CLASP1: variants seen among roughly 807,000 people sequenced by gnomAD.
The protein encoded by CLASP1 is cytoplasmic linker associated protein 1, also known as CLIP-associating protein 1.
In CLASP1, 38 loss-of-function variants were observed where a neutral mutation model predicts 192.3. The observed-to-expected ratio is 0.20, with a 90% CI of 0.15 to 0.26. CLASP1 has a LOEUF of 0.26. CLASP1 is among the 10% of genes least tolerant of loss of function. The pLI, the probability that CLASP1 is intolerant of heterozygous loss-of-function variation, is 1.00. For missense variants in CLASP1, 1,433 were observed against 1,932.5 expected (o/e 0.74, Z 4.85); for synonymous variants, 691 against 712.8 (o/e 0.97, Z 0.49).
intron 19 of CLASP1, among the ~76,000 whole-genome samples, chr2:121,431,197 A>G (rs1206774840): frequency 6.6e-6 from 1 of 152,190 alleles, no homozygotes. Flanking sequence ...GAAGGTAAAG[A>G]GCAATGAAAG....
chr2:121,633,015 T>TATATATATATAC (rs2070066923), intron 1 of CLASP1, among the ~76,000 whole-genome samples: 1 of 147,190 alleles, frequency 6.8e-6, no homozygotes. Flanking sequence ...TGCATATATA[T>TATATATATATAC]ATATATATAT....
chr2:121,394,123 C>G (rs915312184), intron 30 of CLASP1, among the ~76,000 whole-genome samples: 4 of 152,140 alleles, frequency 2.6e-5, no homozygotes, highest in African/African-American at 9.7e-5. Context: ...CTCTCCCACC[C>G]TTAGAGTGAG....
chr2:121,509,260 C>A (rs984501599), intron 7 of CLASP1, among the ~76,000 whole-genome samples: 1 of 152,154 alleles, frequency 6.6e-6, no homozygotes, highest in African/African-American at 2.4e-5. Context: ...ACTGCAACCT[C>A]AACCTCCCAA....
At chr2:121,387,031 T>G (rs2073359395) in intron 32 of CLASP1, 91 bp downstream of exon 33, 1 of 1,030,338 alleles carries the variant, frequency 9.7e-7, no homozygotes, top group Admixed American at 2.0e-5. Context: ...TTTTGTTATT[T>G]AGCTTAGTCT....
At chr2:121,425,222 A>C (rs756912864) in exon 22 of CLASP1, 1 of 1,613,718 alleles carries the variant, frequency 6.2e-7, no homozygotes, top group Non-Finnish European at 8.5e-7. Flanking sequence ...AGACGGTGTC[A>C]CAGGTGGGCC....
At chr2:121,435,874 T>C (rs896802119) in intron 19 of CLASP1, among the ~76,000 whole-genome samples, 1 of 152,204 alleles carries the variant, frequency 6.6e-6, no homozygotes. Context: ...AAAGCTATAG[T>C]ATAAAATCAG....
At chr2:121,567,600 C>T (rs748840532) in intron 2 of CLASP1, among the ~76,000 whole-genome samples, 1 of 152,234 alleles carries the variant, frequency 6.6e-6, no homozygotes, top group Admixed American at 6.5e-5. Flanking sequence ...TCCTCCCGTG[C>T]AAACGTCTCC....
intron 1 of CLASP1, among the ~76,000 whole-genome samples, chr2:121,622,880 G>A (rs2067619640): frequency 6.6e-6 from 1 of 151,478 alleles, no homozygotes; most frequent in South Asian, 2.1e-4. Flanking sequence ...TTCCCTAATT[G>A]TCCCGGCTAG....
chr2:121,539,365 T>TG (rs1169351007), intron 2 of CLASP1, among the ~76,000 whole-genome samples: 4 of 152,192 alleles, frequency 2.6e-5, no homozygotes, highest in Non-Finnish European at 4.4e-5. Context: ...GGGTATTTTA[T>TG]GACAAAGCAG....
At chr2:121,470,546 G>T (rs928758069) in intron 8 of CLASP1, 9 of 382,126 alleles carry the variant, frequency 2.4e-5, no homozygotes, top group Non-Finnish European at 4.5e-5. Flanking sequence ...ATGGTACTTT[G>T]TAAGTGGAAA....
rs2088328706 is a variant in CLASP1 at position 121,462,623 on chromosome 2, A to T, written c.866-18T>A. On this transcript the variant is annotated intron_variant, in intron 9 of 39. Transcript: ENST00000263710. The stretch of plus-strand genomic sequence containing the variant: ...TTTTGCAGCTGTAAAAAAGAATTTT[A>T]AAAATGTAAACAATATGAAACAACG... 1 of 1,503,834 alleles carries T rather than the reference A, an allele frequency of 6.6e-7. No individual in the cohort carries two copies. Among genetic ancestry groups the T allele is most frequent in the Non-Finnish European group, 9.2e-7 (1 of 1,087,548 alleles). 93.2% of individuals were successfully genotyped at this position (1,503,834 alleles called of 1,614,324 possible).
At chr2:121,507,161 G>A (rs569410550) in intron 7 of CLASP1, among the ~76,000 whole-genome samples, 9 of 152,128 alleles carry the variant, frequency 5.9e-5, no homozygotes, top group East Asian at 1.9e-4. Flanking sequence ...TAAATATGTC[G>A]AAAGATCTAA....
chr2:121,578,549 GA>G (rs1207596644), intron 2 of CLASP1, among the ~76,000 whole-genome samples: 3 of 150,936 alleles, frequency 2.0e-5, no homozygotes, highest in Non-Finnish European at 4.4e-5. Flanking sequence ...CCAACACGGT[GA>G]AACCCCATCT....
At chr2:121,598,531 GAA>G (rs2105838951) in intron 2 of CLASP1, among the ~76,000 whole-genome samples, 1 of 152,296 alleles carries the variant, frequency 6.6e-6, no homozygotes, top group South Asian at 2.1e-4. Context: ...GGGTTTTAAG[GAA>G]AAGTTTACTA....
At chr2:121,558,675 T>C (rs756628057) in intron 2 of CLASP1, among the ~76,000 whole-genome samples, 8 of 152,368 alleles carry the variant, frequency 5.3e-5, no homozygotes, top group Non-Finnish European at 8.8e-5. Context: ...GACTCTGGAC[T>C]TCTTGGCCCT....
chr2:121,337,776 T>A (rs532185558), exon 40 of CLASP1: 1 of 152,570 alleles, frequency 6.6e-6, no homozygotes, highest in East Asian at 1.9e-4. Context: ...AAGCAGAACA[T>A]TGAATTAAGT....
At chr2:121,357,255 A>C (rs1435143864) in intron 37 of CLASP1, among the ~76,000 whole-genome samples, 2 of 152,244 alleles carry the variant, frequency 1.3e-5, no homozygotes, top group Non-Finnish European at 1.5e-5. Flanking sequence ...TGCTTTATGT[A>C]GAATTTTAAA....
chr2:121,555,591 T>C (rs1477017006), intron 2 of CLASP1, among the ~76,000 whole-genome samples: 1 of 152,184 alleles, frequency 6.6e-6, no homozygotes, highest in Non-Finnish European at 1.5e-5. Flanking sequence ...CTAACCTGAA[T>C]ACAATGACTG....
At chr2:121,530,438 C>A in intron 2 of CLASP1, 113 bp from the exon 3 acceptor site, 1 of 707,582 alleles carries the variant, frequency 1.4e-6, no homozygotes, top group South Asian at 1.7e-5. Flanking sequence ...TCCGAGAGTC[C>A]AGACGCATGC....
Sources: gnomAD v4.1 joint callset for allele counts (sites outside exome capture counted in the v4.1 genomes callset) on GRCh38, gnomAD v4.1.1 for gene constraint, MANE v1.5 for transcripts, NCBI Gene and HGNC (gene_info 2026-07-23, HGNC 2026-07-21) for gene names.